MALRD1: variants seen among roughly 807,000 people sequenced by gnomAD.
The protein encoded by MALRD1 is MAM and LDL-receptor class A domain-containing protein 1.
Under a neutral mutation model 242.1 loss-of-function variants are expected in MALRD1, and 247 were observed. The ratio of observed to expected loss-of-function variants is 1.02; its 90% CI spans 0.92 to 1.13. The LOEUF is 1.13. MALRD1 is among the 50% of genes most tolerant of loss of function. MALRD1 has a pLI of 0.00. For missense variants in MALRD1, 2,989 were observed against 2,533.1 expected, an observed-to-expected ratio of 1.18 and a Z score of -3.86; for synonymous variants, 995 against 866.6, an observed-to-expected ratio of 1.15 and a Z score of -2.60.
At chr10:19,157,731 T>C (rs12783745) in intron 12 of MALRD1, among the ~76,000 whole-genome samples, 29,796 of 152,068 alleles carry the variant, frequency 0.2, 3,507 homozygotes, top group East Asian at 0.32. Flanking sequence ...TGGGGTACTT[T>C]GATATGATTA....
intron 26 of MALRD1, among the ~76,000 whole-genome samples, chr10:19,383,366 T>C (rs1845920425): frequency 6.6e-6 from 1 of 152,170 alleles, no homozygotes; most frequent in South Asian, 2.1e-4. Context: ...CCCATGTTTC[T>C]GCAAATGATA....
intron 36 of MALRD1, 82 bp downstream of exon 36, chr10:19,616,005 C>T: frequency 1.0e-6 from 1 of 967,974 alleles, no homozygotes; most frequent in East Asian, 2.7e-5. Flanking sequence ...TATAATAGAG[C>T]ATCAATCAGT....
intron 32 of MALRD1, among the ~76,000 whole-genome samples, chr10:19,537,194 G>A (rs1016096593): frequency 3.3e-5 from 5 of 152,154 alleles, no homozygotes; most frequent in African/African-American, 7.2e-5. Context: ...GGAAGCTATC[G>A]GAGAGTATTA....
At chr10:19,446,302 C>A (rs1166310254) in intron 28 of MALRD1, among the ~76,000 whole-genome samples, 1 of 151,940 alleles carries the variant, frequency 6.6e-6, no homozygotes. Flanking sequence ...TCCAACAAGC[C>A]CCAGTGAGTT....
At chr10:19,231,589 A>C (rs1564485313) in intron 18 of MALRD1, among the ~76,000 whole-genome samples, 1 of 152,026 alleles carries the variant, frequency 6.6e-6, no homozygotes, top group Admixed American at 6.5e-5. Context: ...ATGAGATCTG[A>C]TGGTTTTAAA....
chr10:19,130,154 G>C (rs190667487), intron 8 of MALRD1, among the ~76,000 whole-genome samples: 54 of 152,078 alleles, frequency 3.6e-4, no homozygotes, highest in African/African-American at 1.2e-3. Flanking sequence ...GGTAACGTGT[G>C]GGGGGAGGAA....
chr10:19,192,167 C>A (rs1039186367), intron 14 of MALRD1, among the ~76,000 whole-genome samples: 14 of 151,974 alleles, frequency 9.2e-5, no homozygotes, highest in African/African-American at 3.4e-4. Flanking sequence ...ATGGTAGATT[C>A]CTGGGCCTGA....
intron 36 of MALRD1, among the ~76,000 whole-genome samples, chr10:19,690,035 A>G (rs1842753459): frequency 6.6e-6 from 1 of 152,100 alleles, no homozygotes; most frequent in South Asian, 2.1e-4. Context: ...ATTTTGTTTC[A>G]AGATGGCAGG....
intron 26 of MALRD1, among the ~76,000 whole-genome samples, chr10:19,369,369 A>G (rs1376067272): frequency 7.6e-6 from 1 of 132,060 alleles, no homozygotes; most frequent in Non-Finnish European, 1.6e-5. Flanking sequence ...TATATTAAAT[A>G]TACAACATAT....
intron 36 of MALRD1, among the ~76,000 whole-genome samples, chr10:19,678,947 A>G (rs915538423): frequency 8.5e-5 from 13 of 152,084 alleles, no homozygotes; most frequent in African/African-American, 2.9e-4. Context: ...TGTTTATGTG[A>G]TGAATTATGC....
At chr10:19,717,966 A>G (rs1834465754) in intron 38 of MALRD1, among the ~76,000 whole-genome samples, 2 of 151,946 alleles carry the variant, frequency 1.3e-5, no homozygotes, top group South Asian at 4.2e-4. Context: ...GCAGTGAGCC[A>G]ATATTGCGCC....
chr10:19,576,051 G>T (rs1423985060), intron 33 of MALRD1, among the ~76,000 whole-genome samples: 2 of 152,210 alleles, frequency 1.3e-5, no homozygotes, highest in South Asian at 2.1e-4. Flanking sequence ...TTTACTGAAA[G>T]GATATTGGAT....
chr10:19,369,050 C>G (rs1469814835), intron 26 of MALRD1, among the ~76,000 whole-genome samples: 1 of 146,000 alleles, frequency 6.8e-6, no homozygotes, highest in Non-Finnish European at 1.5e-5. Context: ...AGCAGATACT[C>G]CAGAGGAATA....
chr10:19,315,644 A>C (rs1194053396), intron 21 of MALRD1, among the ~76,000 whole-genome samples: 29 of 128,294 alleles, frequency 2.3e-4, no homozygotes, highest in African/African-American at 8.2e-4. Context: ...ATTTATATAA[A>C]TATATAAATA....
At chr10:19,606,991 G>A (rs1309766885) in intron 34 of MALRD1, among the ~76,000 whole-genome samples, 9 of 152,094 alleles carry the variant, frequency 5.9e-5, no homozygotes, top group Admixed American at 5.2e-4. Flanking sequence ...AATTAATCAC[G>A]TTGTATACAG....
At chr10:19,406,144 ATACC>A (rs1564313104) in intron 28 of MALRD1, among the ~76,000 whole-genome samples, 3 of 152,194 alleles carry the variant, frequency 2.0e-5, no homozygotes, top group African/African-American at 7.2e-5. Context: ...ACCAAATGCT[ATACC>A]AGTGGAAGAG....
intron 33 of MALRD1, among the ~76,000 whole-genome samples, chr10:19,587,281 C>A (rs1397404121): frequency 6.6e-6 from 1 of 152,214 alleles, no homozygotes; most frequent in South Asian, 2.1e-4. Flanking sequence ...AATGCTGTTA[C>A]TAAAATGCCT....
At chr10:19,580,716 A>T (rs934975142) in intron 33 of MALRD1, among the ~76,000 whole-genome samples, 3 of 152,170 alleles carry the variant, frequency 2.0e-5, no homozygotes, top group Non-Finnish European at 4.4e-5. Flanking sequence ...CACTTTGAAA[A>T]TAGTTATCAT....
At chr10:19,126,068 T>A (rs1837274160) in intron 7 of MALRD1, among the ~76,000 whole-genome samples, 1 of 152,098 alleles carries the variant, frequency 6.6e-6, no homozygotes, top group Non-Finnish European at 1.5e-5. Flanking sequence ...TTTTTTTAAT[T>A]TCTAAGTACA....
Sources: allele counts gnomAD v4.1 joint callset (sites outside exome capture counted in the v4.1 genomes callset), GRCh38; gene constraint gnomAD v4.1.1; transcripts MANE v1.5; gene names NCBI Gene and HGNC (gene_info 2026-07-23, HGNC 2026-07-21).